The following LUZP2 variants were observed in gnomAD, a reference collection of about 807,000 sequenced individuals.
LUZP2 encodes the protein leucine zipper protein 2.
LUZP2 carries 52 observed loss-of-function variants against 51.6 expected under a neutral mutation model. The ratio of observed to expected loss-of-function variants is 1.01; its 90% confidence interval spans 0.81 to 1.27. The LOEUF is 1.27. LUZP2 is among the 50% of genes most tolerant of loss of function. LUZP2 has a pLI of 0.00. For missense variants in LUZP2, 436 were observed against 395.4 expected (o/e 1.10, Z -0.87); for synonymous variants, 154 against 137.3 (o/e 1.12, Z -0.85).
At chr11:24,948,816 CTATCTATCATCTATCTATCTATCT>C (rs1465666492) in intron 7 of LUZP2, among the ~76,000 whole-genome samples, 3 of 64,880 alleles carry the variant, frequency 4.6e-5, no homozygotes, top group Non-Finnish European at 1.5e-4. Flanking sequence ...ATCTATCTAT[CTATCTATCATCTATCTATCTATCT>C]ATCTATCTAT....
chr11:24,576,727 T>A (rs899155034), intron 1 of LUZP2, among the ~76,000 whole-genome samples: 23 of 152,158 alleles, frequency 1.5e-4, no homozygotes, highest in Non-Finnish European at 2.9e-4. Context: ...TAATGAATTG[T>A]AGATAATTTT....
chr11:24,525,530 G>T (rs1850771732), intron 1 of LUZP2, among the ~76,000 whole-genome samples: 1 of 151,470 alleles, frequency 6.6e-6, no homozygotes, highest in African/African-American at 2.4e-5. Flanking sequence ...TATGTATGTT[G>T]TCATAGGTAG....
At chr11:24,591,196 T>C (rs377129849) in intron 1 of LUZP2, among the ~76,000 whole-genome samples, 4 of 152,194 alleles carry the variant, frequency 2.6e-5, no homozygotes, top group South Asian at 4.1e-4. Context: ...ATATTTTCAT[T>C]TGGAAACATC....
chr11:25,043,455 AAAAC>A (rs1218250704), intron 9 of LUZP2, among the ~76,000 whole-genome samples: 5 of 152,034 alleles, frequency 3.3e-5, no homozygotes, highest in East Asian at 3.9e-4. Context: ...TCCCTTCCTA[AAAAC>A]AAACAAACAA....
rs201553997 is a variant in LUZP2, at chr11:24,654,385, A to AT, written c.63-74775dup. Among the ~76,000 whole-genome samples the AT allele has an allele frequency of 8.4e-3, 1,268 of 151,360 alleles. 15 individuals are homozygous for AT. Among genetic ancestry groups the AT allele is most frequent in the African/African-American group, 0.028 (1,171 of 41,308 alleles). On this transcript the variant is annotated intron_variant, in intron 1 of 11. Transcript: ENST00000336930. ...AGTGATGATTTAACTTATTAAACAA[A>AT]TTTTTTTTTCTTTTTTCTTTTGTTT...
intron 1 of LUZP2, among the ~76,000 whole-genome samples, chr11:24,600,174 AACACACACAC>A (rs61439379): frequency 0.023 from 3,361 of 144,224 alleles, 58 homozygotes; most frequent in African/African-American, 0.055. Flanking sequence ...TGTAGATTAC[AACACACACAC>A]ACACACACAC....
chr11:24,710,133 T>A lies in LUZP2; in HGVS notation c.63-19036T>A, dbSNP rs141169436. Among the ~76,000 whole-genome samples the A allele has an allele frequency of 3.3e-5, 5 of 152,238 alleles. No homozygotes were observed. In the East Asian group the frequency reaches 9.7e-4, roughly 29 times the overall value. Reference sequence around the variant, plus strand: ...TTGTCAGTGTCTTCAGTAGTGAAAGTGAAAATCAGTGGGGTGGAATTTCTG... The same window carrying A: ...TTGTCAGTGTCTTCAGTAGTGAAAGAGAAAATCAGTGGGGTGGAATTTCTG... On this transcript the variant is annotated intron_variant, in intron 1 of 11. Transcript: ENST00000336930.
intron 1 of LUZP2, among the ~76,000 whole-genome samples, chr11:24,723,518 T>C (rs933498816): frequency 1.3e-5 from 2 of 152,172 alleles, no homozygotes; most frequent in African/African-American, 4.8e-5. Flanking sequence ...ACCACTACAC[T>C]ATGCAGTATT....
intron 1 of LUZP2, among the ~76,000 whole-genome samples, chr11:24,610,192 G>A (rs1040887098): frequency 2.6e-5 from 4 of 152,216 alleles, no homozygotes; most frequent in African/African-American, 9.6e-5. Context: ...GAATAGTCCA[G>A]CAAAGTTGCT....
chr11:24,976,563 T>C (rs1202969760), intron 7 of LUZP2, 28 bp from the exon 8 acceptor site: 15 of 1,516,866 alleles, frequency 9.9e-6, no homozygotes, highest in Admixed American at 2.1e-5. Context: ...GCAGAATTTA[T>C]CTAGAAGATT....
intron 7 of LUZP2, among the ~76,000 whole-genome samples, chr11:24,961,110 G>T (rs971591605): frequency 6.6e-6 from 1 of 152,186 alleles, no homozygotes. Flanking sequence ...TGGTCAGAGA[G>T]ATAGTTTGTT....
chr11:24,507,844 T>C (rs12417058), intron 1 of LUZP2, among the ~76,000 whole-genome samples: 7,763 of 152,132 alleles, frequency 0.051, 196 homozygotes, highest in Middle Eastern at 0.099. Flanking sequence ...TTTTGCATGA[T>C]GTTAAACACT....
rs1001581908 is a variant in LUZP2 at position 24,830,428 on chromosome 11, T to A, written c.396+67120T>A. ...CTGTTTATTTGCTTATAATGCCAAC[T>A]TGCCTGAAGGCCAAAAGCCAAGTAG... On this transcript the variant is annotated intron_variant, in intron 5 of 11. Coordinates refer to ENST00000336930, the MANE Select transcript of LUZP2 (RefSeq NM_001009909.4). Among the ~76,000 whole-genome samples the A allele has an allele frequency of 3.6e-4, 43 of 121,110 alleles. 1 individual carries two copies. Among genetic ancestry groups the A allele is most frequent in the Non-Finnish European group, 1.2e-4 (7 of 56,514 alleles). The allele number at this position is 121,110 out of a possible 152,430, so 79.5% of individuals were successfully genotyped here.
At chr11:24,792,160 G>C (rs1849426329) in intron 5 of LUZP2, among the ~76,000 whole-genome samples, 1 of 152,054 alleles carries the variant, frequency 6.6e-6, no homozygotes, top group Non-Finnish European at 1.5e-5. Flanking sequence ...CAGGCACGGT[G>C]GTTCATGTCT....
At chr11:24,856,486 G>A (rs927317240) in intron 5 of LUZP2, among the ~76,000 whole-genome samples, 3 of 152,062 alleles carry the variant, frequency 2.0e-5, no homozygotes, top group Non-Finnish European at 2.9e-5. Flanking sequence ...TATTGAGAAT[G>A]TAAATTAGTA....
At chr11:24,624,018 C>T (rs1173473577) in intron 1 of LUZP2, among the ~76,000 whole-genome samples, 1 of 152,076 alleles carries the variant, frequency 6.6e-6, no homozygotes, top group Non-Finnish European at 1.5e-5. Context: ...ATAGTGTGTT[C>T]ATAATCATGA....
chr11:24,879,299 T>G (rs890932277), intron 5 of LUZP2, among the ~76,000 whole-genome samples: 10 of 152,184 alleles, frequency 6.6e-5, no homozygotes, highest in Non-Finnish European at 1.5e-4. Flanking sequence ...GTACCACATT[T>G]TCTTTATCCA....
At chr11:24,755,612 A>G (rs1016048690) in intron 4 of LUZP2, among the ~76,000 whole-genome samples, 4 of 152,194 alleles carry the variant, frequency 2.6e-5, no homozygotes, top group South Asian at 2.1e-4. Flanking sequence ...CTCTCAGCCA[A>G]CGGGATTCCA....
chr11:24,913,671 G>T (rs77594713), intron 6 of LUZP2, among the ~76,000 whole-genome samples: 50 of 83,256 alleles, frequency 6.0e-4, no homozygotes, highest in East Asian at 3.3e-3. Flanking sequence ...CTATTTATTT[G>T]TGTGTGTGTG....
Sources: gnomAD v4.1 joint callset for allele counts (sites outside exome capture counted in the v4.1 genomes callset) on GRCh38, gnomAD v4.1.1 for gene constraint, MANE v1.5 for transcripts, NCBI Gene and HGNC (gene_info 2026-07-23, HGNC 2026-07-21) for gene names.